FLT3: variants seen among roughly 807,000 people sequenced by gnomAD.
The protein encoded by FLT3 is fms related receptor tyrosine kinase 3, also known as receptor-type tyrosine-protein kinase FLT3.
A neutral mutation model predicts 126.6 loss-of-function variants in FLT3; 46 were observed. The observed-to-expected ratio is 0.36, with a 90% confidence interval of 0.29 to 0.46. FLT3 has a LOEUF of 0.46. Ranked by LOEUF, FLT3 falls within the 20% of genes least tolerant of loss-of-function variation. The pLI is 1.00. For synonymous variants in FLT3, 404 were observed against 434.4 expected (o/e 0.93, Z 0.87); for missense variants, 1,069 against 1,190.3 (o/e 0.90, Z 1.50).
intron 1 of FLT3, among the ~76,000 whole-genome samples, chr13:28,076,441 A>G (rs939508702): frequency 6.6e-6 from 1 of 152,168 alleles, no homozygotes; most frequent in Non-Finnish European, 1.5e-5. Context: ...GAGAAAGAAA[A>G]GCCAGTAACG....
Position 28,090,042 on chromosome 13 carries a change from T to A in FLT3, c.43+10426A>T, listed in dbSNP as rs532726499. On this transcript the variant is annotated intron_variant, in intron 1 of 23. Coordinates refer to ENST00000241453, the MANE Select transcript of FLT3 (RefSeq NM_004119.3). ...AGACGTGAGCTACTGCGCCCCGCCG[T>A]GAGGGAACTTTTTTTTTAGATGGAG... 3.3e-5 allele frequency among the ~76,000 whole-genome samples: 5 copies of A among 151,482 alleles called. No individual in the cohort carries two copies. In the East Asian group the frequency reaches 9.7e-4, roughly 30 times the overall value.
intron 3 of FLT3, among the ~76,000 whole-genome samples, chr13:28,060,240 C>CA (rs71086821): frequency 0.61 from 68,702 of 112,922 alleles, 19,144 homozygotes; most frequent in East Asian, 0.77. Flanking sequence ...ACTAAAAATA[C>CA]AAAAAAAAAA....
In FLT3 at chr13:28,015,674, G is replaced by A. The variant is rs1871790043; in HGVS notation, c.2569C>T (p.Pro857Ser). Residue 857 changes from proline (P) to serine (S), a missense_variant, in exon 21 of 24, where the codon CCC becomes TCC. Physicochemically the swap from Pro to Ser is moderately conservative, Grantham distance 74. Coordinates refer to ENST00000241453, the MANE Select transcript of FLT3 (RefSeq NM_004119.3). ...TAGATGCCTTCAAACAGGCTTTCGGGGGCCATCCATTTTACAGGCAGACGG... is the reference window on the plus strand; with the variant it reads ...TAGATGCCTTCAAACAGGCTTTCGGAGGCCATCCATTTTACAGGCAGACGG... ...NARLPVKWMAPESLFEGIYTI... is the reference protein window; with the variant it reads ...NARLPVKWMASESLFEGIYTI... The A allele has an allele frequency of 1.9e-6, 3 of 1,605,870 alleles. No homozygotes were observed. Among genetic ancestry groups the A allele is most frequent in the East Asian group, 2.2e-5 (1 of 44,538 alleles).
At chr13:28,028,108 AG>A in intron 16 of FLT3, 69 bp downstream of exon 16, 3 of 778,894 alleles carry the variant, frequency 3.9e-6, no homozygotes, top group East Asian at 2.5e-5. Context: ...AGAGAGAGAG[AG>A]AGCAAACATC....
At chr13:28,015,456 AG>A in intron 21 of FLT3, 133 bp downstream of exon 21, 1 of 572,892 alleles carries the variant, frequency 1.7e-6, no homozygotes, top group East Asian at 3.6e-5. Context: ...AAAGGACACC[AG>A]CAAATAAACA....
At chr13:28,024,819 C>A in intron 18 of FLT3, 42 bp downstream of exon 18, 1 of 1,260,634 alleles carries the variant, frequency 7.9e-7, no homozygotes, top group Non-Finnish European at 1.1e-6. Context: ...CTTTTGCATT[C>A]ATTTCCATTT....
intron 1 of FLT3, among the ~76,000 whole-genome samples, chr13:28,096,433 C>T (rs545584209): frequency 4.7e-5 from 7 of 148,968 alleles, no homozygotes; most frequent in Non-Finnish European, 7.5e-5. Context: ...CCTTCATTGA[C>T]GCATGCAATT....
At chr13:28,086,663 T>TGTGTGTGTGTG (rs1878698561) in intron 1 of FLT3, among the ~76,000 whole-genome samples, 1 of 148,570 alleles carries the variant, frequency 6.7e-6, no homozygotes, top group African/African-American at 2.5e-5. Context: ...TGTGTGTGTG[T>TGTGTGTGTGTG]TTGAGATGGA....
chr13:28,082,522 A>G (rs1363140776), intron 1 of FLT3, among the ~76,000 whole-genome samples: 3 of 149,970 alleles, frequency 2.0e-5, no homozygotes, highest in Non-Finnish European at 4.4e-5. Flanking sequence ...TTGAGACATG[A>G]TCTCACTGTG....
chr13:28,077,135 A>C (rs1480639456), intron 1 of FLT3, among the ~76,000 whole-genome samples: 1 of 152,056 alleles, frequency 6.6e-6, no homozygotes, highest in East Asian at 1.9e-4. Context: ...AAAGAAAGAA[A>C]GAAAAAGAAA....
intron 6 of FLT3, 111 bp downstream of exon 6, chr13:28,049,984 G>T: frequency 7.8e-7 from 1 of 1,282,240 alleles, no homozygotes; most frequent in Non-Finnish European, 1.1e-6. Context: ...TGACCTGAAG[G>T]AATGATAGGA....
chr13:28,069,958 A>T (rs954596651), intron 2 of FLT3, among the ~76,000 whole-genome samples: 2 of 151,920 alleles, frequency 1.3e-5, no homozygotes, highest in African/African-American at 2.4e-5. Flanking sequence ...TGCAAAAAAT[A>T]AAAAAAATTA....
At chr13:28,041,596 A>C (rs866328848) in intron 9 of FLT3, among the ~76,000 whole-genome samples, 1 of 152,212 alleles carries the variant, frequency 6.6e-6, no homozygotes, top group Non-Finnish European at 1.5e-5. Context: ...CTGAATATCC[A>C]ATGGCTTTAA....
chr13:28,045,774 T>A (rs760058641), intron 9 of FLT3, among the ~76,000 whole-genome samples: 1 of 151,494 alleles, frequency 6.6e-6, no homozygotes, highest in Non-Finnish European at 1.5e-5. Flanking sequence ...GGCAGGAGAA[T>A]TGCTTGAACC....
chr13:28,021,178 C>G (rs1872352419), intron 19 of FLT3, among the ~76,000 whole-genome samples: 1 of 152,098 alleles, frequency 6.6e-6, no homozygotes, highest in Non-Finnish European at 1.5e-5. Flanking sequence ...TCACTTGAGT[C>G]AGGAGTTTGA....
At chr13:28,085,343 CAAAAAAAAAAAA>C (rs59478584) in intron 1 of FLT3, among the ~76,000 whole-genome samples, 20 of 82,284 alleles carry the variant, frequency 2.4e-4, no homozygotes, top group Middle Eastern at 6.7e-3. Context: ...GACTCCATCT[CAAAAAAAAAAAA>C]AAAAAAAAAA....
chr13:28,030,823 G>A (rs951691610), intron 15 of FLT3, among the ~76,000 whole-genome samples: 3 of 152,172 alleles, frequency 2.0e-5, no homozygotes, highest in African/African-American at 4.8e-5. Context: ...ACCATCACTT[G>A]AGCCCAGGAC....
At chr13:28,007,466 C>A (rs1871008471) in intron 23 of FLT3, among the ~76,000 whole-genome samples, 1 of 151,868 alleles carries the variant, frequency 6.6e-6, no homozygotes, top group South Asian at 2.1e-4. Context: ...AGTCTGGTCT[C>A]AAACCTCTGA....
intron 9 of FLT3, among the ~76,000 whole-genome samples, chr13:28,043,328 G>T (rs975826557): frequency 6.6e-6 from 1 of 152,128 alleles, no homozygotes; most frequent in Non-Finnish European, 1.5e-5. Context: ...CACCAGGACG[G>T]CTAGAAAGTT....
Sources: gnomAD v4.1 joint callset for allele counts (sites outside exome capture counted in the v4.1 genomes callset) on GRCh38, gnomAD v4.1.1 for gene constraint, MANE v1.5 for transcripts, NCBI Gene and HGNC (gene_info 2026-07-23, HGNC 2026-07-21) for gene names.